The following FRMD5 variants were observed in gnomAD, a reference collection of about 807,000 sequenced individuals.
The protein encoded by FRMD5 is FERM domain containing 5, also known as FERM domain-containing protein 5.
FRMD5 carries 20 observed loss-of-function variants against 69.0 expected under a neutral mutation model. That is an observed-to-expected ratio of 0.29 (90% CI 0.20 to 0.42). FRMD5 has a LOEUF of 0.42. Ranked by LOEUF, FRMD5 falls within the 10% of genes least tolerant of loss-of-function variation. FRMD5 has a pLI of 1.00. For synonymous variants in FRMD5, 271 were observed against 260.1 expected (o/e 1.04, Z -0.40); for missense variants, 595 against 708.6 (o/e 0.84, Z 1.82).
intron 1 of FRMD5, among the ~76,000 whole-genome samples, chr15:44,153,128 C>T (rs948410414): frequency 2.0e-5 from 3 of 152,256 alleles, no homozygotes; most frequent in Admixed American, 6.5e-5. Context: ...TAAAATGGTA[C>T]AGCCACTATA....
At chr15:44,158,831 G>A (rs574094954) in intron 1 of FRMD5, among the ~76,000 whole-genome samples, 1 of 152,254 alleles carries the variant, frequency 6.6e-6, no homozygotes, top group East Asian at 1.9e-4. Context: ...AGAAGCTAAG[G>A]ATGCAGAGAT....
intron 1 of FRMD5, among the ~76,000 whole-genome samples, chr15:44,147,019 T>G (rs905743574): frequency 6.6e-6 from 1 of 152,184 alleles, no homozygotes; most frequent in African/African-American, 2.4e-5. Flanking sequence ...AATTTTTGCT[T>G]TTGTTGCAAT....
chr15:43,948,999 G>A (rs2089987388), intron 1 of FRMD5, among the ~76,000 whole-genome samples: 1 of 152,230 alleles, frequency 6.6e-6, no homozygotes, highest in African/African-American at 2.4e-5. Flanking sequence ...TTGTGAGTAA[G>A]AATCTAGAAT....
intron 1 of FRMD5, among the ~76,000 whole-genome samples, chr15:44,172,867 C>G (rs1477617037): frequency 1.3e-5 from 2 of 152,200 alleles, no homozygotes; most frequent in African/African-American, 4.8e-5. Flanking sequence ...AAATTGACAA[C>G]CTTACCAGCT....
intron 1 of FRMD5, among the ~76,000 whole-genome samples, chr15:43,946,678 GGAA>G (rs1203264502): frequency 9.2e-5 from 14 of 152,134 alleles, no homozygotes; most frequent in Non-Finnish European, 1.3e-4. Flanking sequence ...GGTCGTTGAG[GGAA>G]GAAGTTTAAT....
chr15:44,165,340 C>T (rs762646684), intron 1 of FRMD5, among the ~76,000 whole-genome samples: 35 of 152,082 alleles, frequency 2.3e-4, no homozygotes, highest in East Asian at 5.8e-4. Context: ...GAGGATTGCT[C>T]GAAACTGGGA....
intron 13 of FRMD5, chr15:43,875,827 T>C (rs942519571): frequency 3.0e-5 from 12 of 401,528 alleles, no homozygotes; most frequent in Non-Finnish European, 5.0e-5. Context: ...TTTTTTTTTT[T>C]CTTTCAGTCT....
chr15:44,167,364 C>T (rs1192846251), intron 1 of FRMD5, among the ~76,000 whole-genome samples: 1 of 151,358 alleles, frequency 6.6e-6, no homozygotes, highest in Non-Finnish European at 1.5e-5. Flanking sequence ...TGAGACCCTG[C>T]CTGTCTCAAA....
chr15:43,878,895 T>C (rs1396176817), intron 13 of FRMD5, among the ~76,000 whole-genome samples: 3 of 151,402 alleles, frequency 2.0e-5, no homozygotes, highest in African/African-American at 4.9e-5. Flanking sequence ...TTAAACAAGA[T>C]AATGGATAGA....
intron 1 of FRMD5, among the ~76,000 whole-genome samples, chr15:44,022,211 T>A (rs888812285): frequency 6.6e-6 from 1 of 152,156 alleles, no homozygotes; most frequent in Non-Finnish European, 1.5e-5. Flanking sequence ...ACCATGTGTA[T>A]GTACTTTAAA....
chr15:44,139,634 T>C lies in FRMD5; in HGVS notation c.102+55319A>G, dbSNP rs540704473. ...AGGCCAGGCATGGTGGCTCATGCTG[T>C]AATTCCAGCACTTTGGGAGGCTGAG... On this transcript the variant is annotated intron_variant, in intron 1 of 13. Transcript: ENST00000417257. 2.1e-5 allele frequency among the ~76,000 whole-genome samples: 3 copies of C among 143,698 alleles called. No individual in the cohort carries two copies. In the East Asian group the frequency reaches 6.1e-4, roughly 29 times the overall value. 94.3% of individuals were successfully genotyped at this position (143,698 alleles called of 152,430 possible). A position where few individuals can be genotyped will look rare whatever the true frequency, so the allele number is the denominator to read the frequency against.
chr15:44,056,156 T>G (rs1026841361), intron 1 of FRMD5, among the ~76,000 whole-genome samples: 1 of 152,240 alleles, frequency 6.6e-6, no homozygotes, highest in Admixed American at 6.5e-5. Flanking sequence ...GTCCAAATTC[T>G]TTCTGACAAC....
intron 7 of FRMD5, among the ~76,000 whole-genome samples, chr15:43,901,339 T>C (rs570791741): frequency 1.3e-5 from 2 of 152,316 alleles, no homozygotes; most frequent in South Asian, 4.1e-4. Flanking sequence ...ATACTATTCT[T>C]TTAATTTTTG....
intron 13 of FRMD5, among the ~76,000 whole-genome samples, chr15:43,877,984 T>C (rs774776053): frequency 1.3e-5 from 2 of 152,196 alleles, no homozygotes; most frequent in Non-Finnish European, 2.9e-5. Flanking sequence ...TTCTTCAGCA[T>C]CATTTTGTTA....
At chr15:43,970,672 A>C (rs984246263) in intron 1 of FRMD5, among the ~76,000 whole-genome samples, 10 of 152,062 alleles carry the variant, frequency 6.6e-5, no homozygotes, top group African/African-American at 2.4e-4. Context: ...GGCCAGGCTG[A>C]TCTCAAAGTC....
intron 10 of FRMD5, among the ~76,000 whole-genome samples, chr15:43,887,243 C>T (rs543518376): frequency 6.6e-5 from 10 of 152,272 alleles, no homozygotes; most frequent in Middle Eastern, 3.4e-3. Context: ...CTCTCTGCTG[C>T]GGAGACCCGT....
At chr15:43,926,161 G>A (rs139355460) in intron 1 of FRMD5, among the ~76,000 whole-genome samples, 190 of 152,272 alleles carry the variant, frequency 1.2e-3, no homozygotes, top group Non-Finnish European at 1.7e-3. Flanking sequence ...AAGCTAGGCC[G>A]TTTATAACCC....
chr15:43,921,044 T>A (rs2089484852), intron 2 of FRMD5, among the ~76,000 whole-genome samples: 1 of 152,182 alleles, frequency 6.6e-6, no homozygotes, highest in Non-Finnish European at 1.5e-5. Flanking sequence ...CTGATCTGAG[T>A]TCCCACGAGG....
At chr15:44,025,997 G>A (rs528966240) in intron 1 of FRMD5, among the ~76,000 whole-genome samples, 35 of 152,156 alleles carry the variant, frequency 2.3e-4, no homozygotes, top group African/African-American at 8.4e-4. Flanking sequence ...GGGCAGGGTG[G>A]GGCAGAGTCT....
Sources: gnomAD v4.1 joint callset for allele counts (sites outside exome capture counted in the v4.1 genomes callset) on GRCh38, gnomAD v4.1.1 for gene constraint, MANE v1.5 for transcripts, NCBI Gene and HGNC (gene_info 2026-07-23, HGNC 2026-07-21) for gene names.